Variants in ANKRD26 observed in about 807,000 individuals in gnomAD.
The protein encoded by ANKRD26 is ankyrin repeat domain-containing protein 26.
A neutral mutation model predicts 208.7 loss-of-function variants in ANKRD26; 141 were observed. The ratio of observed to expected loss-of-function variants is 0.68; its 90% confidence interval spans 0.59 to 0.78. The LOEUF (loss-of-function observed/expected upper bound fraction) is 0.78. ANKRD26 is among the 30% of genes least tolerant of loss of function. The pLI is 0.00. For synonymous variants in ANKRD26, 636 were observed against 660.4 expected, an observed-to-expected ratio of 0.96 and a Z score of 0.57; for missense variants, 1,889 against 1,938.7, an observed-to-expected ratio of 0.97 and a Z score of 0.48.
chr10:26,998,191 A>G (rs917007046), intron 4 of ANKRD26, among the ~76,000 whole-genome samples: 4 of 152,244 alleles, frequency 2.6e-5, no homozygotes, highest in Non-Finnish European at 5.9e-5. Flanking sequence ...TTAATAATGT[A>G]TCATTTTTAC....
Position 27,063,987 on chromosome 10 carries a change from C to T in ANKRD26, c.1363+1G>A, listed in dbSNP as rs2055154214. 1.2e-6 allele frequency: 2 copies of T among 1,600,678 alleles called. No homozygotes were observed. The highest frequency in any genetic ancestry group is 1.3e-5 in the African/African-American group (1 of 74,712). ...TTTTAAAAATGAAATATAGCTCTTA[C>T]CTTCTGCTTGTTCATTTCCTATATT... is the stretch of plus-strand genomic sequence containing the variant. On this transcript the variant is annotated splice_donor_variant, in intron 12 of 33. Transcript: ENST00000376087. LOFTEE classifies it high-confidence loss of function.
At chr10:27,081,252 T>A (rs2135608968) in intron 6 of ANKRD26, among the ~76,000 whole-genome samples, 1 of 152,298 alleles carries the variant, frequency 6.6e-6, no homozygotes, top group South Asian at 2.1e-4. Context: ...ATTCCAGTAA[T>A]TTATCATTAT....
chr10:27,096,413 T>C (rs1029608599), intron 1 of ANKRD26, among the ~76,000 whole-genome samples: 1 of 152,206 alleles, frequency 6.6e-6, no homozygotes, highest in South Asian at 2.1e-4. Context: ...ATGACTAAAA[T>C]AGGGATTCAC....
chr10:27,061,277 T>G, intron 12 of ANKRD26, 35 bp from the exon 13 acceptor site: 1 of 1,391,958 alleles, frequency 7.2e-7, no homozygotes. Flanking sequence ...TTCAATATTG[T>G]AATATTTATC....
chr10:27,018,630 G>C (rs1420243080), intron 29 of ANKRD26, among the ~76,000 whole-genome samples: 3 of 152,038 alleles, frequency 2.0e-5, no homozygotes, highest in South Asian at 2.1e-4. Context: ...GCATTCCAAG[G>C]GGTAATAATT....
At chr10:26,981,331 T>G (rs1589163257) in intron 4 of ANKRD26, among the ~76,000 whole-genome samples, 1 of 152,216 alleles carries the variant, frequency 6.6e-6, no homozygotes, top group East Asian at 1.9e-4. Flanking sequence ...ATCCTGAGGA[T>G]TTTATAGGAT....
At position 27,044,182 on chromosome 10, in the gene ANKRD26, T is replaced by C; in HGVS notation, c.1994A>G (p.Lys665Arg). 2.1e-6 allele frequency: 3 copies of C among 1,432,500 alleles called. No individual in the cohort carries two copies. Among genetic ancestry groups the C allele is most frequent in the South Asian group, 2.4e-5 (2 of 82,122 alleles). 88.7% of individuals were successfully genotyped at this position (1,432,500 alleles called of 1,614,324 possible). A position where few individuals can be genotyped will look rare whatever the true frequency, so the allele number is the denominator to read the frequency against. Residue 665 changes from lysine to arginine, a missense_variant, in exon 19 of 34, where the codon AAG becomes AGG. By Grantham distance (26) the Lys-to-Arg change is conservative. Coordinates refer to ENST00000376087, the MANE Select transcript of ANKRD26 (RefSeq NM_014915.3). ...CTTGTTCTTTTCATTAGATGTTTTC[T>C]TAGTAGGCCTAAAAAAAAAAAATAC... ...EIDEDEGRPT[K>R]KTSNEKNKVK...
At chr10:27,061,915 A>G (rs1051100110) in intron 12 of ANKRD26, 1 of 975,586 alleles carries the variant, frequency 1.0e-6, no homozygotes, top group Non-Finnish European at 1.2e-6. Flanking sequence ...GATATGAATC[A>G]CTGTAGTTTA....
At chr10:27,062,645 C>T (rs1299431040) in intron 12 of ANKRD26, among the ~76,000 whole-genome samples, 4 of 152,308 alleles carry the variant, frequency 2.6e-5, no homozygotes, top group Middle Eastern at 3.4e-3. Context: ...CATAAAGTTG[C>T]TAGTGGGCTT....
intron 15 of ANKRD26, among the ~76,000 whole-genome samples, chr10:27,055,086 G>T (rs1399380175): frequency 1.3e-5 from 2 of 152,152 alleles, no homozygotes; most frequent in African/African-American, 2.4e-5. Context: ...TTAGGATATA[G>T]AATATCAGTA....
the ANKRD26 span, among the ~76,000 whole-genome samples, chr10:26,955,892 T>C: frequency 2.0e-5 from 3 of 152,308 alleles, no homozygotes; most frequent in Admixed American, 1.3e-4. Context: ...TCCTTTCAAA[T>C]CAAGAGTACG....
downstream of ANKRD26, among the ~76,000 whole-genome samples, chr10:27,003,230 A>G (rs374751769): frequency 1.1e-4 from 17 of 152,316 alleles, no homozygotes; most frequent in East Asian, 1.4e-3. Context: ...GAAGTGCTCA[A>G]AGAATAAGGG....
chr10:26,973,121 T>A (rs181133592), downstream of ANKRD26, among the ~76,000 whole-genome samples: 97 of 152,324 alleles, frequency 6.4e-4, no homozygotes, highest in Admixed American at 2.5e-3. Flanking sequence ...ACAAATGTGT[T>A]CATTATGTTG....
At chr10:26,983,332 T>A (rs2052336650) in intron 3 of ANKRD26, among the ~76,000 whole-genome samples, 1 of 152,202 alleles carries the variant, frequency 6.6e-6, no homozygotes, top group Non-Finnish European at 1.5e-5. Flanking sequence ...GAATTACTCA[T>A]CCTTGTGCCC....
chr10:27,026,496 A>G (rs1057316729), intron 27 of ANKRD26, among the ~76,000 whole-genome samples: 4 of 152,214 alleles, frequency 2.6e-5, no homozygotes, highest in Non-Finnish European at 5.9e-5. Context: ...TAGAAAAAAA[A>G]CTTGTCAATG....
chr10:27,092,400 C>T lies in ANKRD26; in HGVS notation c.638+6G>A, dbSNP rs1426500915. ...TAAAAATCCAAAACAAAACCAGCTACTGTACCTTTCCAACTTATCTACTGC... is the reference window on the plus strand; with the variant it reads ...TAAAAATCCAAAACAAAACCAGCTATTGTACCTTTCCAACTTATCTACTGC... On this transcript the variant is annotated splice_donor_region_variant and intron_variant, in intron 4 of 33. Coordinates refer to ENST00000376087, the MANE Select transcript of ANKRD26 (RefSeq NM_014915.3). 6.3e-7 allele frequency: 1 copy of T among 1,592,220 alleles called. No homozygotes were observed. The highest frequency in any genetic ancestry group is 1.1e-5 in the South Asian group (1 of 90,478).
chr10:26,990,682 G>A (rs2052470460), downstream of ANKRD26, among the ~76,000 whole-genome samples: 1 of 152,188 alleles, frequency 6.6e-6, no homozygotes, highest in African/African-American at 2.4e-5. Flanking sequence ...CAGAAAGACT[G>A]AGAGGAGCAA....
At chr10:26,973,566 T>C (rs951774832), downstream of ANKRD26, among the ~76,000 whole-genome samples, 4 of 151,734 alleles carry the variant, frequency 2.6e-5, no homozygotes, top group African/African-American at 4.8e-5. Context: ...CTTTTTAAAA[T>C]GGCAACTGTA....
downstream of ANKRD26, among the ~76,000 whole-genome samples, chr10:26,991,195 CA>C (rs1420985233): frequency 6.6e-6 from 1 of 152,180 alleles, no homozygotes; most frequent in Non-Finnish European, 1.5e-5. Flanking sequence ...AAACACAGCC[CA>C]AGCCAGTACC....
Sources: gnomAD v4.1 joint callset for allele counts (sites outside exome capture counted in the v4.1 genomes callset) on GRCh38, gnomAD v4.1.1 for gene constraint, MANE v1.5 for transcripts, NCBI Gene and HGNC (gene_info 2026-07-23, HGNC 2026-07-21) for gene names.